Variants in KAZN observed in about 807,000 individuals in gnomAD.
KAZN encodes the protein kazrin.
A neutral mutation model predicts 87.4 loss-of-function variants in KAZN; 40 were observed. The ratio of observed to expected loss-of-function variants is 0.46; its 90% confidence interval spans 0.36 to 0.60. The LOEUF is 0.60. Ranked by LOEUF, KAZN falls within the 20% of genes least tolerant of loss-of-function variation. KAZN has a pLI of 0.00. For synonymous variants in KAZN, 466 were observed against 458.3 expected (o/e 1.02, Z -0.22); for missense variants, 898 against 1,073.9 (o/e 0.84, Z 2.29).
At chr1:14,546,410 T>A (rs1396733062) in intron 2 of KAZN, among the ~76,000 whole-genome samples, 1 of 152,112 alleles carries the variant, frequency 6.6e-6, no homozygotes, top group Non-Finnish European at 1.5e-5. Context: ...TCCTCAGTCC[T>A]GTCAACTAGT....
At chr1:14,280,072 T>A (rs544857519) in intron 2 of KAZN, among the ~76,000 whole-genome samples, 44 of 152,076 alleles carry the variant, frequency 2.9e-4, no homozygotes, top group Admixed American at 1.2e-3. Flanking sequence ...TTAGTTAAGA[T>A]GAGGTTGCGG....
At chr1:14,612,896 C>T (rs1387115278) in intron 1 of KAZN, among the ~76,000 whole-genome samples, 2 of 152,190 alleles carry the variant, frequency 1.3e-5, no homozygotes, top group Non-Finnish European at 2.9e-5. Flanking sequence ...TTAGATAGAA[C>T]TCTTGGTTAT....
At chr1:14,385,225 A>G (rs1435650753) in intron 2 of KAZN, among the ~76,000 whole-genome samples, 6 of 151,962 alleles carry the variant, frequency 3.9e-5, no homozygotes, top group Admixed American at 2.6e-4. Context: ...TAGTCTTGCT[A>G]GCGGTCTATT....
chr1:14,159,088 C>T (rs1645655847), intron 1 of KAZN, among the ~76,000 whole-genome samples: 1 of 152,090 alleles, frequency 6.6e-6, no homozygotes, highest in Non-Finnish European at 1.5e-5. Context: ...TCACTCAAGG[C>T]CTGCTGTAAC....
chr1:14,912,280 T>G (rs547300520), intron 1 of KAZN, among the ~76,000 whole-genome samples: 1 of 151,728 alleles, frequency 6.6e-6, no homozygotes, highest in Non-Finnish European at 1.5e-5. Flanking sequence ...CTCCCAGTAG[T>G]GGGGACTGGT....
intron 1 of KAZN, among the ~76,000 whole-genome samples, chr1:14,709,196 A>G (rs1313701452): frequency 6.6e-6 from 1 of 152,188 alleles, no homozygotes; most frequent in Non-Finnish European, 1.5e-5. Context: ...ACACCAGCAA[A>G]TAGAGAGCTG....
chr1:14,174,160 G>A (rs1477350871), intron 1 of KAZN, among the ~76,000 whole-genome samples: 2 of 152,192 alleles, frequency 1.3e-5, no homozygotes, highest in African/African-American at 4.8e-5. Context: ...GGTATAGGGA[G>A]GTCACAGGAT....
At chr1:14,686,370 C>T (rs1407784039) in intron 1 of KAZN, among the ~76,000 whole-genome samples, 1 of 152,178 alleles carries the variant, frequency 6.6e-6, no homozygotes, top group African/African-American at 2.4e-5. Flanking sequence ...GCCCAGTCTG[C>T]CACTCTTGAA....
intron 1 of KAZN, among the ~76,000 whole-genome samples, chr1:13,935,870 G>C (rs2100950939): frequency 8.4e-6 from 1 of 118,432 alleles, no homozygotes; most frequent in Non-Finnish European, 1.6e-5. Context: ...TAATGTGTGT[G>C]TGTGTGTGTG....
At chr1:14,844,030 C>T (rs1396520704) in intron 1 of KAZN, among the ~76,000 whole-genome samples, 2 of 152,214 alleles carry the variant, frequency 1.3e-5, no homozygotes, top group African/African-American at 4.8e-5. Context: ...CCCTCATCCT[C>T]AGCCTTCCAT....
intron 2 of KAZN, among the ~76,000 whole-genome samples, chr1:14,558,164 C>T (rs1042822086): frequency 3.9e-5 from 6 of 152,178 alleles, no homozygotes; most frequent in African/African-American, 4.8e-5. Context: ...CAGAGAAGGC[C>T]CAGCTCCTCT....
intron 1 of KAZN, among the ~76,000 whole-genome samples, chr1:14,712,585 A>G (rs1247739525): frequency 1.3e-5 from 2 of 152,250 alleles, no homozygotes; most frequent in Non-Finnish European, 2.9e-5. Flanking sequence ...CCGATCTGCC[A>G]GAAGCCCATG....
At chr1:14,016,439 G>A (rs1273703795) in intron 1 of KAZN, among the ~76,000 whole-genome samples, 1 of 152,182 alleles carries the variant, frequency 6.6e-6, no homozygotes, top group Non-Finnish European at 1.5e-5. Context: ...GGGAAACTGA[G>A]GGACAGTTGA....
intron 1 of KAZN, among the ~76,000 whole-genome samples, chr1:14,673,716 G>A (rs934822837): frequency 2.6e-5 from 4 of 152,320 alleles, no homozygotes; most frequent in Admixed American, 6.5e-5. Flanking sequence ...AGGAATTGAC[G>A]TAGTTTAACA....
At chr1:14,290,767 T>C (rs1170932526) in intron 2 of KAZN, among the ~76,000 whole-genome samples, 1 of 152,216 alleles carries the variant, frequency 6.6e-6, no homozygotes, top group Admixed American at 6.5e-5. Context: ...CACTCTGGGT[T>C]TTAAAATTTT....
chr1:14,790,541 A>C (rs1423669324), intron 1 of KAZN, among the ~76,000 whole-genome samples: 1 of 152,162 alleles, frequency 6.6e-6, no homozygotes, highest in East Asian at 1.9e-4. Flanking sequence ...TAATTACAGA[A>C]TGTTTACAGC....
intron 1 of KAZN, among the ~76,000 whole-genome samples, chr1:14,042,622 G>C (rs190049926): frequency 4.3e-4 from 66 of 152,248 alleles, no homozygotes; most frequent in African/African-American, 1.5e-3. Context: ...CACCCAAATT[G>C]TACTTGGGTT....
At chr1:15,014,086 C>G (rs943027213) in intron 2 of KAZN, among the ~76,000 whole-genome samples, 2 of 152,084 alleles carry the variant, frequency 1.3e-5, no homozygotes, top group Non-Finnish European at 2.9e-5. Flanking sequence ...AACTAAGAAC[C>G]GAGTTTGCTC....
At chr1:14,590,335 C>A (rs1325398638) in intron 2 of KAZN, among the ~76,000 whole-genome samples, 1 of 152,108 alleles carries the variant, frequency 6.6e-6, no homozygotes, top group Non-Finnish European at 1.5e-5. Context: ...TCTGCTTCTG[C>A]CTCAGATCTG....
Sources: allele counts gnomAD v4.1 joint callset (sites outside exome capture counted in the v4.1 genomes callset), GRCh38; gene constraint gnomAD v4.1.1; transcripts MANE v1.5; gene names NCBI Gene and HGNC (gene_info 2026-07-23, HGNC 2026-07-21).